Variants in FBXO25 observed in about 807,000 individuals in gnomAD.
The protein encoded by FBXO25 is F-box protein 25, also known as F-box only protein 25.
A neutral mutation model predicts 51.9 loss-of-function variants in FBXO25; 45 were observed. That is an observed-to-expected ratio of 0.87 (90% confidence interval 0.68 to 1.11). The LOEUF (loss-of-function observed/expected upper bound fraction) is 1.11, where lower values mean the gene tolerates loss of function less well. Among genes scored for constraint, FBXO25 ranks in the 50% most tolerant of loss-of-function variants. FBXO25 has a pLI of 0.00. For missense variants in FBXO25, 507 were observed against 428.5 expected, an observed-to-expected ratio of 1.18 and a Z score of -1.62; for synonymous variants, 199 against 151.0, an observed-to-expected ratio of 1.32 and a Z score of -2.33.
chr8:423,980 C>G (rs1391169105), intron 2 of FBXO25, among the ~76,000 whole-genome samples: 1 of 152,146 alleles, frequency 6.6e-6, no homozygotes, highest in East Asian at 1.9e-4. Context: ...TTAGTAATGG[C>G]CATTCTGACT....
rs371189082 is a variant in FBXO25 at position 429,243 on chromosome 8, G to A, written c.135-2098G>A. 7.2e-5 allele frequency among the ~76,000 whole-genome samples: 11 copies of A among 152,118 alleles called. No homozygotes were observed. In the South Asian group the frequency reaches 2.3e-3, roughly 32 times the overall value. On this transcript the variant is annotated intron_variant, in intron 2 of 9. Coordinates refer to ENST00000350302, the MANE Select transcript of FBXO25 (RefSeq NM_183420.2). ...TTTAATTTGCCAGTAGCCTCATAAT[G>A]AGCGTGAGGTAGTATCTCATCGTAG...
Position 475,485 on chromosome 8 carries a change from A to G in FBXO25, c.*6681A>G, listed in dbSNP as rs1800614797. On this transcript the variant is annotated 3_prime_UTR_variant, in exon 10 of 10. Coordinates refer to ENST00000350302, the MANE Select transcript of FBXO25 (RefSeq NM_183420.2). ...AAAAAAGCCACTGGGATATTCTGATAGAGATTGCATGAAATCTATAGATTG... is the reference window on the plus strand; with the variant it reads ...AAAAAAGCCACTGGGATATTCTGATGGAGATTGCATGAAATCTATAGATTG... 2 of 152,896 alleles carry G rather than the reference A, an allele frequency of 1.3e-5. No individual in the cohort carries two copies. The highest frequency in any genetic ancestry group is 4.1e-4 in the South Asian group (2 of 4,840). The allele number at this position is 152,896 out of a possible 1,614,324, so 9.5% of individuals were successfully genotyped here.
At chr8:453,084 C>T (rs566381467) in intron 7 of FBXO25, among the ~76,000 whole-genome samples, 2 of 152,314 alleles carry the variant, frequency 1.3e-5, no homozygotes, top group South Asian at 2.1e-4. Flanking sequence ...AGCACACTTA[C>T]GTGGCAATAC....
chr8:429,842 C>G (rs1797710577), intron 2 of FBXO25, among the ~76,000 whole-genome samples: 1 of 152,240 alleles, frequency 6.6e-6, no homozygotes, highest in Non-Finnish European at 1.5e-5. Flanking sequence ...AGAAGGTCAC[C>G]TCCACCTGTG....
At chr8:428,156 C>A (rs1563071903) in intron 2 of FBXO25, among the ~76,000 whole-genome samples, 1 of 152,106 alleles carries the variant, frequency 6.6e-6, no homozygotes, top group Non-Finnish European at 1.5e-5. Flanking sequence ...TCTTCTCTTC[C>A]TTTTCTTGAA....
Position 471,764 on chromosome 8 carries a change from C to G in FBXO25, c.*2960C>G, listed in dbSNP as rs1204095658. On this transcript the variant is annotated 3_prime_UTR_variant, in exon 10 of 10. Transcript: ENST00000350302. ...AAATTGGAAAGCCATGCAGTAGCCT[C>G]TCAGGAGCAGACCGATTTGTAGCTG... 1 of 152,194 alleles carries G rather than the reference C, an allele frequency of 6.6e-6. No homozygotes were observed. The highest frequency in any genetic ancestry group is 2.4e-5 in the African/African-American group (1 of 41,438). The allele number at this position is 152,194 out of a possible 1,614,324, so 9.4% of individuals were successfully genotyped here. A position where few individuals can be genotyped will look rare whatever the true frequency, so the allele number is the denominator to read the frequency against.
At chr8:461,419 A>G (rs1316713147) in intron 8 of FBXO25, among the ~76,000 whole-genome samples, 2 of 152,224 alleles carry the variant, frequency 1.3e-5, no homozygotes, top group Non-Finnish European at 2.9e-5. Context: ...CACATCCTAC[A>G]TGGCAGCAGG....
intron 7 of FBXO25, among the ~76,000 whole-genome samples, chr8:456,773 G>A (rs1007002911): frequency 3.3e-5 from 5 of 152,156 alleles, no homozygotes; most frequent in South Asian, 4.1e-4. Flanking sequence ...CATCACTGGC[G>A]GTCCATGCTC....
intron 5 of FBXO25, among the ~76,000 whole-genome samples, chr8:441,385 T>G (rs1181455276): frequency 6.6e-6 from 1 of 152,194 alleles, no homozygotes; most frequent in African/African-American, 2.4e-5. Flanking sequence ...ATTAAAGACT[T>G]AAACATAAGA....
At position 476,285 on chromosome 8, in the gene FBXO25, T is replaced by C. The variant is rs1800640836; in HGVS notation, c.*7481T>C. 1 of 152,164 alleles carries C rather than the reference T, an allele frequency of 6.6e-6. No homozygotes were observed. The highest frequency in any genetic ancestry group is 1.5e-5 in the Non-Finnish European group (1 of 67,990). 9.4% of individuals were successfully genotyped at this position (152,164 alleles called of 1,614,324 possible). On this transcript the variant is annotated 3_prime_UTR_variant, in exon 10 of 10. Coordinates refer to ENST00000350302, the MANE Select transcript of FBXO25 (RefSeq NM_183420.2). ...TGTTGGCCAGTATTTTGTTGAATAT[T>C]GATTTAAAAAAATCTTGATCAGGAA...
At chr8:433,630 T>C (rs1353791163) in intron 4 of FBXO25, among the ~76,000 whole-genome samples, 1 of 152,214 alleles carries the variant, frequency 6.6e-6, no homozygotes, top group Admixed American at 6.5e-5. Flanking sequence ...TCCTGTTTCT[T>C]TACTAGGATC....
At chr8:437,810 CT>C (rs1323637266) in intron 5 of FBXO25, among the ~76,000 whole-genome samples, 2 of 149,652 alleles carry the variant, frequency 1.3e-5, no homozygotes, top group Non-Finnish European at 3.0e-5. Flanking sequence ...TATTTTTTTG[CT>C]GTTTTAAATG....
At position 467,908 on chromosome 8, in the gene FBXO25, A is replaced by G. The variant is rs1001397580; in HGVS notation, c.988-807A>G. On this transcript the variant is annotated intron_variant, in intron 9 of 9. Coordinates refer to ENST00000350302, the MANE Select transcript of FBXO25 (RefSeq NM_183420.2). ...CAGGGCTGAGTGGCCACTTTGATCAAACACCTCAGCAAGGACGAGAGTGTT... is the reference window on the plus strand; with the variant it reads ...CAGGGCTGAGTGGCCACTTTGATCAGACACCTCAGCAAGGACGAGAGTGTT... 6.0e-6 allele frequency: 9 copies of G among 1,494,672 alleles called. No individual in the cohort carries two copies. In the African/African-American group the frequency reaches 7.0e-5, roughly 12 times the overall value. The allele number at this position is 1,494,672 out of a possible 1,614,324, so 92.6% of individuals were successfully genotyped here. A position where few individuals can be genotyped will look rare whatever the true frequency, so the allele number is the denominator to read the frequency against.
intron 5 of FBXO25, among the ~76,000 whole-genome samples, chr8:448,586 G>A (rs1324327255): frequency 2.6e-5 from 4 of 152,242 alleles, no homozygotes; most frequent in East Asian, 1.9e-4. Flanking sequence ...GAGCAGTTTC[G>A]GCTGGAGAAA....
Position 473,694 on chromosome 8 carries a change from A to G in FBXO25, c.*4890A>G, listed in dbSNP as rs11774384. The G allele has an allele frequency of 0.45, 68,108 of 151,924 alleles. 15,806 individuals are homozygous for G. The highest frequency in any genetic ancestry group is 0.57 in the African/African-American group (23,761 of 41,416). The allele number at this position is 151,924 out of a possible 1,614,324, so 9.4% of individuals were successfully genotyped here. On this transcript the variant is annotated 3_prime_UTR_variant, in exon 10 of 10. Transcript: ENST00000350302. ...GGTCCTGGGCTGGCTCTTGGACCAT[A>G]ACCAGCGTTCACTGAGGATGCGGTT...
intron 2 of FBXO25, among the ~76,000 whole-genome samples, chr8:420,141 C>T (rs1797060943): frequency 6.6e-6 from 1 of 152,036 alleles, no homozygotes. Context: ...AGCAGCTGAC[C>T]AGCTAGAGAT....
At chr8:434,541 G>C (rs577876964) in intron 4 of FBXO25, among the ~76,000 whole-genome samples, 1 of 152,156 alleles carries the variant, frequency 6.6e-6, no homozygotes, top group African/African-American at 2.4e-5. Flanking sequence ...TGGGGTTGGC[G>C]CACAGAAGCA....
chr8:458,963 G>T (rs968614740), intron 8 of FBXO25, among the ~76,000 whole-genome samples: 1 of 152,092 alleles, frequency 6.6e-6, no homozygotes, highest in Non-Finnish European at 1.5e-5. Flanking sequence ...GGTAGATGCC[G>T]CTCCTGAGTG....
At chr8:438,853 C>T (rs182526295) in intron 5 of FBXO25, among the ~76,000 whole-genome samples, 41 of 152,358 alleles carry the variant, frequency 2.7e-4, no homozygotes, top group Non-Finnish European at 5.4e-4. Context: ...CCGCCCCCAT[C>T]ATGTCAGCAG....
Sources: gnomAD v4.1 joint callset for allele counts (sites outside exome capture counted in the v4.1 genomes callset) on GRCh38, gnomAD v4.1.1 for gene constraint, MANE v1.5 for transcripts, NCBI Gene and HGNC (gene_info 2026-07-23, HGNC 2026-07-21) for gene names.